The following DLST variants were observed in gnomAD, a reference collection of about 807,000 sequenced individuals.
DLST encodes dihydrolipoamide S-succinyltransferase, also known as dihydrolipoyllysine-residue succinyltransferase component of 2-oxoglutarate dehydrogenase complex, mitochondrial.
Under a neutral mutation model 53.1 loss-of-function variants are expected in DLST, and 17 were observed. The ratio of observed to expected loss-of-function variants is 0.32; its 90% CI spans 0.22 to 0.48. DLST has a LOEUF of 0.48. Among genes scored for constraint, DLST ranks in the 20% least tolerant of loss-of-function variants. DLST has a pLI of 0.99. For missense variants in DLST, 512 were observed against 583.9 expected (o/e 0.88, Z 1.27); for synonymous variants, 206 against 204.8 (o/e 1.01, Z -0.05).
intron 9 of DLST, 58 bp downstream of exon 9, chr14:74,893,482 G>A: frequency 1.3e-6 from 2 of 1,588,992 alleles, no homozygotes. Flanking sequence ...GAGATTAGTG[G>A]AGTATGGGTG....
At chr14:74,883,571 C>T (rs137960707) in intron 2 of DLST, among the ~76,000 whole-genome samples, 4 of 152,116 alleles carry the variant, frequency 2.6e-5, no homozygotes, top group African/African-American at 9.7e-5. Context: ...CTGTTATATG[C>T]CTAGCCTAAG....
intron 2 of DLST, among the ~76,000 whole-genome samples, chr14:74,884,847 C>T (rs957377116): frequency 6.6e-6 from 1 of 152,034 alleles, no homozygotes; most frequent in Non-Finnish European, 1.5e-5. Flanking sequence ...AGTTGTTAAT[C>T]TGAAAGAAAA....
rs945409803 is a variant in DLST at position 74,903,394 on chromosome 14, G to A, written c.*1064G>A. 3.3e-5 allele frequency: 5 copies of A among 152,296 alleles called. No individual in the cohort carries two copies. Among genetic ancestry groups the A allele is most frequent in the Non-Finnish European group, 5.9e-5 (4 of 68,074 alleles). The allele number at this position is 152,296 out of a possible 1,614,324, so 9.4% of individuals were successfully genotyped here. On this transcript the variant is annotated 3_prime_UTR_variant, in exon 15 of 15. Transcript: ENST00000334220. ...GTGGACTGGGGTAGGAAACCACCCT[G>A]AGGGTGTTAGTACCTAGTGGTGAAA...
At chr14:74,885,054 G>A (rs1883655190) in intron 2 of DLST, among the ~76,000 whole-genome samples, 1 of 152,152 alleles carries the variant, frequency 6.6e-6, no homozygotes, top group Non-Finnish European at 1.5e-5. Context: ...CTCAGCTCTA[G>A]GACAAACTGG....
chr14:74,884,187 T>C (rs892715489), intron 2 of DLST, among the ~76,000 whole-genome samples: 2 of 152,196 alleles, frequency 1.3e-5, no homozygotes, highest in African/African-American at 2.4e-5. Context: ...TGACCAGTGA[T>C]AGACATGGGA....
chr14:74,883,928 C>G (rs1174991619), intron 2 of DLST, among the ~76,000 whole-genome samples: 1 of 152,088 alleles, frequency 6.6e-6, no homozygotes, highest in East Asian at 1.9e-4. Flanking sequence ...TATGGGCTAG[C>G]TGGAGAGAGA....
At chr14:74,885,476 G>T (rs903191600) in intron 2 of DLST, 110 bp from the exon 3 acceptor site, 1 of 1,116,034 alleles carries the variant, frequency 9.0e-7, no homozygotes, top group South Asian at 1.3e-5. Flanking sequence ...ATCCGTTGCC[G>T]TTGATCCTGC....
rs767241815 is a variant in DLST, at chr14:74,882,048, GT to G, written c.63+33del. 3 of 1,512,304 alleles carry G rather than the reference GT, an allele frequency of 2.0e-6. No individual in the cohort carries two copies. In the East Asian group the frequency reaches 8.2e-5, roughly 41 times the overall value. The allele number at this position is 1,512,304 out of a possible 1,614,324, so 93.7% of individuals were successfully genotyped here. ...TCTGGCCGAGCCGGGGCCCCGACGG[GT>G]GAGGAGTCTGTTGGCGGGCAGAGAG... is the stretch of plus-strand genomic sequence containing the variant. On this transcript the variant is annotated intron_variant, in intron 1 of 14. Transcript: ENST00000334220.
At position 74,894,318 on chromosome 14, in the gene DLST, A is replaced by G. The variant is rs746256927; in HGVS notation, c.679A>G (p.Met227Val). The G allele has an allele frequency of 6.2e-7, 1 of 1,614,010 alleles. No individual in the cohort carries two copies. The highest frequency in any genetic ancestry group is 8.5e-7 in the Non-Finnish European group (1 of 1,179,948). The change falls in exon 10 of 15, where the codon ATG (methionine) becomes GTG (valine). Residue 227 changes from methionine (M) to valine (V), a missense_variant. Met to Val is a conservative substitution (Grantham distance 21). Transcript: ENST00000334220. ...KGLRSEHREKMNRMRQRIAQR... is the reference protein window; with the variant it reads ...KGLRSEHREKVNRMRQRIAQR... ...GTTCCACTCTTACTTTCAGGAGAAA[A>G]TGAACAGGATGCGGCAGCGCATTGC...
chr14:74,898,410 T>G lies in DLST; in HGVS notation c.812T>G (p.Leu271Trp). ...EMRARHKEAF[L>W]KKHNLKLGFM... The stretch of plus-strand genomic sequence containing the variant: ...AGGGCTCGGCACAAAGAGGCTTTTT[T>G]GAAGAAACATAACCTCAAACTAGGC... The change falls in exon 11 of 15, where the codon TTG becomes TGG. Residue 271 changes from leucine (L) to tryptophan (W), a missense_variant. Physicochemically the swap from Leu to Trp is moderately conservative, Grantham distance 61 (BLOSUM62 -2). This residue lies in a region of DLST where 186 missense variants were observed against 260.4 expected (regional missense o/e 0.71). Transcript: ENST00000334220. 6.2e-7 allele frequency: 1 copy of G among 1,613,300 alleles called. No individual in the cohort carries two copies. The highest frequency in any genetic ancestry group is 8.5e-7 in the Non-Finnish European group (1 of 1,180,026).
chr14:74,900,472 G>A, intron 13 of DLST, 100 bp downstream of exon 13: 3 of 1,018,004 alleles, frequency 2.9e-6, no homozygotes, highest in South Asian at 2.7e-5. Flanking sequence ...AAAGTCAAGT[G>A]CATAGCCCCT....
At chr14:74,886,100 A>C (rs1034532979) in intron 3 of DLST, 1 of 156,622 alleles carries the variant, frequency 6.4e-6, no homozygotes, top group Admixed American at 6.1e-5. Context: ...TTATTGCATA[A>C]TGCAGAGTTT....
At chr14:74,889,677 G>T in intron 5 of DLST, 1 of 564,100 alleles carries the variant, frequency 1.8e-6, no homozygotes, top group Non-Finnish European at 3.1e-6. Flanking sequence ...GAGCCACTGC[G>T]CCTGGCTCCT....
In DLST at chr14:74,881,949, C is replaced by A. The variant is rs755397855; in HGVS notation, c.-5C>A. ...TGTCCGCCCGCCCTCGGCTCCTCCG[C>A]CGTGATGCTGTCCCGATCCCGCTGT... On this transcript the variant is annotated 5_prime_UTR_variant, in exon 1 of 15. Transcript: ENST00000334220. The A allele has an allele frequency of 1.9e-6, 3 of 1,553,960 alleles. No individual in the cohort carries two copies. The highest frequency in any genetic ancestry group is 2.5e-5 in the East Asian group (1 of 40,504).
In DLST at chr14:74,883,294, C is replaced by CAAA. The variant is rs35879783; in HGVS notation, c.97+688_97+690dup. Among the ~76,000 whole-genome samples, 269 of 67,218 alleles carry CAAA rather than the reference C, an allele frequency of 4.0e-3. 3 individuals carry two copies. The highest frequency in any genetic ancestry group is 0.012 in the African/African-American group (259 of 21,310). 44.1% of individuals were successfully genotyped at this position (67,218 alleles called of 152,430 possible). On this transcript the variant is annotated intron_variant, in intron 2 of 14. Coordinates refer to ENST00000334220, the MANE Select transcript of DLST (RefSeq NM_001933.5). ...TGGGCGACAGAGCGAGACTCCATCTCAAAAAAAAAAAAAAAAAAAAGTTAT... is the reference window on the plus strand; with the variant it reads ...TGGGCGACAGAGCGAGACTCCATCTCAAAAAAAAAAAAAAAAAAAAAAAGTTAT...
At position 74,894,296 on chromosome 14, in the gene DLST, C is replaced by A. The variant is rs757666315; in HGVS notation, c.673-16C>A. On this transcript the variant is annotated splice_polypyrimidine_tract_variant and intron_variant, in intron 9 of 14. Transcript: ENST00000334220. ...AGAGATCAGATTGTCAATGCTTGTTCCACTCTTACTTTCAGGAGAAAATGA... is the reference window on the plus strand; with the variant it reads ...AGAGATCAGATTGTCAATGCTTGTTACACTCTTACTTTCAGGAGAAAATGA... 6.2e-7 allele frequency: 1 copy of A among 1,613,644 alleles called. No homozygotes were observed. Among genetic ancestry groups the A allele is most frequent in the South Asian group, 1.1e-5 (1 of 90,988 alleles).
chr14:74,895,062 A>C (rs73305789), intron 10 of DLST, among the ~76,000 whole-genome samples: 1,907 of 152,170 alleles, frequency 0.013, 39 homozygotes, highest in African/African-American at 0.044. Flanking sequence ...CCCCACCTCT[A>C]CAAAAAATAC....
intron 14 of DLST, 31 bp downstream of exon 14, chr14:74,901,264 G>A (rs745482437): frequency 2.7e-5 from 42 of 1,583,194 alleles, no homozygotes; most frequent in Non-Finnish European, 3.4e-5. Context: ...GGTCCTAGTG[G>A]CTAGGTCTCG....
At chr14:74,897,108 AT>A (rs888284629) in intron 10 of DLST, among the ~76,000 whole-genome samples, 67 of 152,360 alleles carry the variant, frequency 4.4e-4, no homozygotes, top group African/African-American at 1.6e-3. Context: ...AGAGATGTTT[AT>A]CACATCTCTT....
Sources: gnomAD v4.1 joint callset for allele counts (sites outside exome capture counted in the v4.1 genomes callset) on GRCh38, gnomAD v4.1.1 for gene constraint, gnomAD v4.1.1 regional missense constraint, MANE v1.5 for transcripts, NCBI Gene and HGNC (gene_info 2026-07-23, HGNC 2026-07-21) for gene names.